The following KRT8 variants were observed in gnomAD, a reference collection of about 807,000 sequenced individuals.
KRT8 encodes keratin 8, also known as keratin, type II cytoskeletal 8.
In KRT8, 24 loss-of-function variants were observed where a neutral mutation model predicts 43.0. The ratio of observed to expected loss-of-function variants is 0.56; its 90% CI spans 0.40 to 0.78. The LOEUF (loss-of-function observed/expected upper bound fraction) is 0.78, where lower values mean the gene tolerates loss of function less well. KRT8 is among the 30% of genes least tolerant of loss of function. The pLI is 0.00. For missense variants in KRT8, 492 were observed against 638.4 expected, an observed-to-expected ratio of 0.77 and a Z score of 2.47; for synonymous variants, 214 against 261.2, an observed-to-expected ratio of 0.82 and a Z score of 1.74.
At chr12:52,941,936 A>G (rs566331364) in intron 2 of KRT8, among the ~76,000 whole-genome samples, 2 of 152,258 alleles carry the variant, frequency 1.3e-5, no homozygotes, top group South Asian at 4.1e-4. Context: ...ATCCTAGACC[A>G]TGCTGGCATT....
intron 2 of KRT8, among the ~76,000 whole-genome samples, chr12:52,921,849 G>T (rs994402123): frequency 9.9e-5 from 15 of 152,044 alleles, no homozygotes; most frequent in African/African-American, 3.6e-4. Flanking sequence ...CTAGAGTGGA[G>T]AACACTGAGC....
chr12:52,908,048 G>A (rs1269808314), upstream of KRT8, among the ~76,000 whole-genome samples: 1 of 152,198 alleles, frequency 6.6e-6, no homozygotes, highest in Non-Finnish European at 1.5e-5. Flanking sequence ...AGGGAAGGAG[G>A]AGACACTCAC....
At chr12:52,900,088 G>A (rs1284086183) in intron 4 of KRT8, 23 bp from the exon 5 acceptor site, 2 of 1,611,116 alleles carry the variant, frequency 1.2e-6, no homozygotes, top group Non-Finnish European at 8.5e-7. Context: ...AGGGCAAGTG[G>A]TGAGGCCCTG....
chr12:52,901,452 C>T, intron 2 of KRT8: 3 of 594,010 alleles, frequency 5.1e-6, no homozygotes, highest in South Asian at 3.7e-5. Context: ...TCGGATTGGA[C>T]ACCTTGAGAG....
intron 2 of KRT8, 110 bp downstream of exon 2, chr12:52,901,754 A>G (rs1034890764): frequency 1.3e-6 from 1 of 795,752 alleles, no homozygotes; most frequent in African/African-American, 1.7e-5. Flanking sequence ...CCCTAATTAG[A>G]TAGGACTGCA....
intron 2 of KRT8, among the ~76,000 whole-genome samples, chr12:52,918,839 A>G (rs1465140681): frequency 6.6e-6 from 1 of 151,968 alleles, no homozygotes; most frequent in African/African-American, 2.4e-5. Context: ...ACCCTCCCCC[A>G]TGGAACTTGT....
chr12:52,926,332 G>GGGCCCCCCCCCCCCC, intron 2 of KRT8: 1 of 600,276 alleles, frequency 1.7e-6, no homozygotes. Context: ...GGCACTAGCT[G>GGGCCCCCCCCCCCCC]CCCTCCCCAC....
intron 2 of KRT8, chr12:52,926,365 C>G: frequency 7.2e-7 from 1 of 1,395,818 alleles, no homozygotes; most frequent in Non-Finnish European, 9.8e-7. Context: ...ACTGTGCCCT[C>G]CTCTCCTGAA....
At chr12:52,931,504 C>A (rs1418633413) in intron 2 of KRT8, among the ~76,000 whole-genome samples, 1 of 152,120 alleles carries the variant, frequency 6.6e-6, no homozygotes, top group Non-Finnish European at 1.5e-5. Flanking sequence ...GCATTCATGA[C>A]ATGTTCCCAA....
chr12:52,919,934 C>T (rs944598248), intron 2 of KRT8, among the ~76,000 whole-genome samples: 1 of 152,172 alleles, frequency 6.6e-6, no homozygotes, highest in Non-Finnish European at 1.5e-5. Flanking sequence ...AGGCGTGAGC[C>T]ACCGCACCTA....
chr12:52,931,552 G>A (rs1942083817), intron 2 of KRT8, among the ~76,000 whole-genome samples: 1 of 152,086 alleles, frequency 6.6e-6, no homozygotes, highest in African/African-American at 2.4e-5. Context: ...AACTAAGGCA[G>A]TGCAAACTCT....
At chr12:52,934,679 T>C (rs187112338) in intron 2 of KRT8, among the ~76,000 whole-genome samples, 38 of 151,934 alleles carry the variant, frequency 2.5e-4, no homozygotes, top group Admixed American at 6.6e-4. Flanking sequence ...AGCATAAAGA[T>C]AGATACAGGC....
chr12:52,945,937 G>A (rs1942337449), intron 2 of KRT8, among the ~76,000 whole-genome samples: 1 of 151,952 alleles, frequency 6.6e-6, no homozygotes, highest in Non-Finnish European at 1.5e-5. Context: ...CTTCACCCCA[G>A]CTCTCCAAGA....
At chr12:52,949,693 A>T in intron 1 of KRT8, 1 of 1,042,478 alleles carries the variant, frequency 9.6e-7, no homozygotes, top group Non-Finnish European at 1.5e-6. Flanking sequence ...CCCCTACTCC[A>T]CCGGGAGGGG....
chr12:52,924,629 G>A (rs1462807017), intron 2 of KRT8, among the ~76,000 whole-genome samples: 1 of 152,116 alleles, frequency 6.6e-6, no homozygotes, highest in Non-Finnish European at 1.5e-5. Flanking sequence ...TAAATTATAT[G>A]ATGATAATGT....
At chr12:52,941,227 C>CGGATGATTTTGTATTTTTTATTAGAGAAG (rs1673649331) in intron 2 of KRT8, among the ~76,000 whole-genome samples, 2 of 151,546 alleles carry the variant, frequency 1.3e-5, no homozygotes, top group African/African-American at 2.4e-5. Flanking sequence ...CCACCACGCC[C>CGGATGATTTTGTATTTTTTATTAGAGAAG]GTCTATAAAT....
intron 2 of KRT8, among the ~76,000 whole-genome samples, chr12:52,937,129 G>A (rs1942180368): frequency 6.6e-6 from 1 of 151,976 alleles, no homozygotes; most frequent in South Asian, 2.1e-4. Context: ...GTAGCACTTT[G>A]GGAGGCTGAG....
At chr12:52,901,170 G>C (rs762420389) in exon 3 of KRT8, 2 of 1,610,102 alleles carry the variant, frequency 1.2e-6, no homozygotes, top group South Asian at 1.1e-5. Flanking sequence ...TTCTTGATGA[G>C]GACAAATTCG....
At chr12:52,898,398 C>A in intron 7 of KRT8, 63 bp downstream of exon 7, 2 of 1,430,428 alleles carry the variant, frequency 1.4e-6, no homozygotes, top group South Asian at 1.2e-5. Context: ...AGCCCCCTCC[C>A]TGGAGCTGAG....
Sources: allele counts gnomAD v4.1 joint callset (sites outside exome capture counted in the v4.1 genomes callset), GRCh38; gene constraint gnomAD v4.1.1; transcripts MANE v1.5; gene names NCBI Gene and HGNC (gene_info 2026-07-23, HGNC 2026-07-21).